The following FER1L6 variants were observed in gnomAD, a reference collection of about 807,000 sequenced individuals.
The protein encoded by FER1L6 is fer-1 like family member 6, also known as fer-1-like protein 6.
In FER1L6, 177 loss-of-function variants were observed where a neutral mutation model predicts 219.2. The observed-to-expected ratio is 0.81, with a 90% CI of 0.71 to 0.91. The LOEUF (loss-of-function observed/expected upper bound fraction) is 0.91, where lower values mean the gene tolerates loss of function less well. FER1L6 is among the 40% of genes least tolerant of loss of function. The pLI is 0.00. For synonymous variants in FER1L6, 768 were observed against 824.3 expected, an observed-to-expected ratio of 0.93 and a Z score of 1.17; for missense variants, 2,153 against 2,259.9, an observed-to-expected ratio of 0.95 and a Z score of 0.96.
Position 123,973,443 on chromosome 8 carries a change from C to T in FER1L6, c.457C>T (p.His153Tyr). 6.2e-7 allele frequency: 1 copy of T among 1,613,800 alleles called. No homozygotes were observed. Among genetic ancestry groups the T allele is most frequent in the African/African-American group, 1.3e-5 (1 of 75,012 alleles). ...CTCTCTCTCTCCTCAGGTCTTTCAC[C>T]ACAAGCTGATAGGAAGTGTACTGAT... ...DKIIKISVFH[H>Y]KLIGSVLIGS... is the part of the protein sequence containing the mutation. Residue 153 changes from histidine (H) to tyrosine (Y), a missense_variant, in exon 7 of 41, where the codon CAC (histidine) becomes TAC (tyrosine). By Grantham distance (83) the His-to-Tyr change is moderately conservative (BLOSUM62 2). Transcript: ENST00000522917.
intron 1 of FER1L6, among the ~76,000 whole-genome samples, chr8:123,901,619 T>C (rs1397043437): frequency 6.6e-6 from 1 of 152,142 alleles, no homozygotes; most frequent in African/African-American, 2.4e-5. Flanking sequence ...ACTTTCAGTC[T>C]TTTTGATGTA....
chr8:123,956,010 G>A lies in FER1L6; in HGVS notation c.12G>A (p.Leu4=), dbSNP rs1222545595. ...TTTTCAGAAAGGGGATGTTTGGGCT[G>A]AAGGTGAAGAAGAAGAGAAATAAGG... is the stretch of plus-strand genomic sequence containing the variant. MFG[L]KVKKKRNKAE... The change falls in exon 2 of 41, where the codon CTG becomes CTA. Residue 4 remains leucine, a synonymous_variant. Transcript: ENST00000522917. The A allele has an allele frequency of 6.2e-7, 1 of 1,611,676 alleles. No homozygotes were observed. The highest frequency in any genetic ancestry group is 1.3e-5 in the African/African-American group (1 of 74,962).
At chr8:123,961,403 TA>T (rs1352147601) in intron 2 of FER1L6, among the ~76,000 whole-genome samples, 1 of 152,250 alleles carries the variant, frequency 6.6e-6, no homozygotes, top group Non-Finnish European at 1.5e-5. Flanking sequence ...AATGATGCAC[TA>T]AAATTCCATT....
chr8:123,966,363 C>A, intron 5 of FER1L6, 73 bp downstream of exon 5: 1 of 1,582,098 alleles, frequency 6.3e-7, no homozygotes, highest in South Asian at 1.2e-5. Flanking sequence ...ATCCTTCAGT[C>A]AAACAAAGAG....
intron 5 of FER1L6, among the ~76,000 whole-genome samples, chr8:123,967,321 C>A (rs1345117826): frequency 6.6e-6 from 1 of 152,158 alleles, no homozygotes; most frequent in African/African-American, 2.4e-5. Context: ...CTGTTCTGGA[C>A]TCTTCACAAA....
intron 1 of FER1L6, among the ~76,000 whole-genome samples, chr8:123,919,839 C>T (rs184834911): frequency 2.0e-5 from 3 of 152,202 alleles, no homozygotes; most frequent in African/African-American, 7.2e-5. Context: ...GGTCCCTGCA[C>T]CTGACTTGGA....
intron 32 of FER1L6, among the ~76,000 whole-genome samples, chr8:124,078,106 G>T (rs1316532541): frequency 2.0e-5 from 3 of 152,154 alleles, no homozygotes; most frequent in African/African-American, 7.2e-5. Flanking sequence ...AGTCTAGTCT[G>T]GTTAATGCCA....
intron 5 of FER1L6, 61 bp from the exon 6 acceptor site, chr8:123,969,974 G>C: frequency 7.4e-7 from 1 of 1,357,416 alleles, no homozygotes; most frequent in Non-Finnish European, 1.1e-6. Flanking sequence ...TCCACTCCAA[G>C]GACAGGATTC....
At position 123,864,490 on chromosome 8, in the gene FER1L6, T is replaced by C. The variant is rs529131138; in HGVS notation, c.-8+12305T>C. 6.9e-4 allele frequency among the ~76,000 whole-genome samples: 104 copies of C among 150,554 alleles called. 4 individuals carry two copies. The highest frequency in any genetic ancestry group is 2.6e-3 in the African/African-American group (103 of 40,010). On this transcript the variant is annotated intron_variant, in intron 1 of 40. Coordinates refer to ENST00000522917, the MANE Select transcript of FER1L6 (RefSeq NM_001039112.2). ...TTGCTCTTCTCGAGGAGTATCTTTG[T>C]GGCGTTCTCTGTATTTCCTGAATCT...
chr8:123,939,686 C>A (rs4870881), intron 1 of FER1L6, among the ~76,000 whole-genome samples: 34,337 of 151,886 alleles, frequency 0.23, 4,621 homozygotes, highest in East Asian at 0.41. Context: ...TGTGCTTAGC[C>A]CATAGGATGC....
intron 11 of FER1L6, chr8:123,984,872 G>T (rs1816497159): frequency 6.6e-6 from 1 of 152,124 alleles, no homozygotes. Context: ...TCCTTAGATT[G>T]TCCTTATGGC....
chr8:123,973,717 A>G (rs1247056344), intron 7 of FER1L6, among the ~76,000 whole-genome samples: 1 of 152,152 alleles, frequency 6.6e-6, no homozygotes, highest in Non-Finnish European at 1.5e-5. Context: ...ACTTCTGGGG[A>G]GTTTTTTTTC....
intron 1 of FER1L6, among the ~76,000 whole-genome samples, chr8:123,882,460 C>T (rs1279494464): frequency 1.3e-5 from 2 of 152,162 alleles, no homozygotes; most frequent in Non-Finnish European, 2.9e-5. Flanking sequence ...TCTTTGGGAA[C>T]AGGGCCCACA....
intron 1 of FER1L6, among the ~76,000 whole-genome samples, chr8:123,900,228 T>C (rs374116826): frequency 1.2e-4 from 19 of 152,212 alleles, no homozygotes; most frequent in African/African-American, 4.6e-4. Flanking sequence ...GTTAAGTATT[T>C]TCCTAAGTAT....
At chr8:123,926,493 G>A (rs751007837) in intron 1 of FER1L6, among the ~76,000 whole-genome samples, 6 of 152,170 alleles carry the variant, frequency 3.9e-5, no homozygotes, top group East Asian at 1.9e-4. Context: ...AGGCTAGAGC[G>A]GGCAGGATGT....
intron 1 of FER1L6, among the ~76,000 whole-genome samples, chr8:123,928,478 T>C (rs1156470774): frequency 6.6e-6 from 1 of 152,052 alleles, no homozygotes; most frequent in Non-Finnish European, 1.5e-5. Flanking sequence ...ATAGGCTTGT[T>C]TTCTTAGGGG....
chr8:123,963,332 C>T lies in FER1L6; in HGVS notation c.131C>T (p.Pro44Leu), dbSNP rs762336156. Residue 44 changes from proline to leucine, a missense_variant, in exon 3 of 41, where the codon CCG becomes CTG. Pro to Leu is a moderately conservative substitution (Grantham distance 98, BLOSUM62 -3). Transcript: ENST00000522917. ...LQEEPSHQEG[P>L]RGDLVHDDAS... ...GAGGAGCCTTCTCACCAGGAAGGAC[C>T]GAGAGGAGATTTGGTCCATGATGAT... 17 of 1,614,112 alleles carry T rather than the reference C, an allele frequency of 1.1e-5. No individual in the cohort carries two copies. The highest frequency in any genetic ancestry group is 4.5e-5 in the East Asian group (2 of 44,880).
At chr8:123,925,632 A>G (rs1277161573) in intron 1 of FER1L6, 3 of 152,202 alleles carry the variant, frequency 2.0e-5, no homozygotes, top group East Asian at 1.9e-4. Flanking sequence ...GAGATAAACA[A>G]TGAGATAAAG....
At chr8:123,908,173 GC>G (rs1483522876) in intron 1 of FER1L6, among the ~76,000 whole-genome samples, 6 of 152,272 alleles carry the variant, frequency 3.9e-5, no homozygotes, top group South Asian at 2.1e-4. Context: ...AATGTAACTT[GC>G]ATGAAATAAC....
Sources: gnomAD v4.1 joint callset for allele counts (sites outside exome capture counted in the v4.1 genomes callset) on GRCh38, gnomAD v4.1.1 for gene constraint, MANE v1.5 for transcripts, NCBI Gene and HGNC (gene_info 2026-07-23, HGNC 2026-07-21) for gene names.